The following RAB3B variants were observed in gnomAD, a reference collection of about 807,000 sequenced individuals.
The protein encoded by RAB3B is ras-related protein Rab-3B.
RAB3B carries 11 observed loss-of-function variants against 20.5 expected under a neutral mutation model. The observed-to-expected ratio is 0.54, with a 90% CI of 0.34 to 0.89. The LOEUF (loss-of-function observed/expected upper bound fraction) is 0.89. Among genes scored for constraint, RAB3B ranks in the 40% least tolerant of loss-of-function variants. RAB3B has a pLI of 0.02. For synonymous variants in RAB3B, 99 were observed against 106.3 expected, an observed-to-expected ratio of 0.93 and a Z score of 0.42; for missense variants, 225 against 280.9, an observed-to-expected ratio of 0.80 and a Z score of 1.42.
chr1:51,950,829 G>A (rs915065694), intron 2 of RAB3B, among the ~76,000 whole-genome samples: 7 of 152,146 alleles, frequency 4.6e-5, no homozygotes, highest in African/African-American at 7.2e-5. Flanking sequence ...GCTACCCTCC[G>A]ACCCACAGCT....
intron 2 of RAB3B, among the ~76,000 whole-genome samples, chr1:51,942,049 C>T (rs182548868): frequency 6.0e-4 from 92 of 152,318 alleles, no homozygotes; most frequent in Non-Finnish European, 8.2e-4. Context: ...TATGCCCTTG[C>T]CTCTGCTTCC....
chr1:51,935,030 G>C (rs111945568), intron 3 of RAB3B, among the ~76,000 whole-genome samples: 1,657 of 152,200 alleles, frequency 0.011, 39 homozygotes, highest in South Asian at 0.093. Flanking sequence ...GGCTGAATTT[G>C]TCTCTCTCCC....
At chr1:51,965,784 C>G (rs1684843682) in intron 2 of RAB3B, among the ~76,000 whole-genome samples, 1 of 151,938 alleles carries the variant, frequency 6.6e-6, no homozygotes, top group African/African-American at 2.4e-5. Flanking sequence ...TAGTGAAATT[C>G]AAATAAAGAC....
intron 2 of RAB3B, among the ~76,000 whole-genome samples, chr1:51,938,535 G>A (rs985372312): frequency 3.9e-5 from 6 of 151,982 alleles, no homozygotes; most frequent in Non-Finnish European, 8.8e-5. Context: ...TTAACGATAT[G>A]AGACAATACT....
At chr1:51,962,661 T>G (rs1245136603) in intron 2 of RAB3B, among the ~76,000 whole-genome samples, 1 of 152,140 alleles carries the variant, frequency 6.6e-6, no homozygotes, top group Non-Finnish European at 1.5e-5. Flanking sequence ...TAACACTGTC[T>G]CCTCCCCTCC....
chr1:51,987,870 T>C (rs1261353226), intron 1 of RAB3B, among the ~76,000 whole-genome samples: 2 of 152,010 alleles, frequency 1.3e-5, no homozygotes, highest in Admixed American at 6.6e-5. Context: ...CACTACTGTA[T>C]TTTCTTCTCT....
At chr1:51,986,934 A>G (rs1685160316) in intron 1 of RAB3B, among the ~76,000 whole-genome samples, 1 of 152,238 alleles carries the variant, frequency 6.6e-6, no homozygotes, top group Admixed American at 6.5e-5. Flanking sequence ...TGCATGCAGA[A>G]TTGCATTTGT....
chr1:51,967,036 G>A (rs1684861143), intron 2 of RAB3B, among the ~76,000 whole-genome samples: 1 of 152,186 alleles, frequency 6.6e-6, no homozygotes, highest in Non-Finnish European at 1.5e-5. Context: ...ACTGAGGCTG[G>A]GCACAGTGGC....
intron 4 of RAB3B, among the ~76,000 whole-genome samples, chr1:51,923,238 CA>C (rs972560824): frequency 6.6e-6 from 1 of 152,148 alleles, no homozygotes; most frequent in Non-Finnish European, 1.5e-5. Context: ...AGAGATGGGC[CA>C]GGGGTCTATC....
chr1:51,929,907 A>G (rs1332157473), intron 4 of RAB3B, among the ~76,000 whole-genome samples: 1 of 152,230 alleles, frequency 6.6e-6, no homozygotes, highest in East Asian at 1.9e-4. Context: ...TGCTCAATAA[A>G]TGTTTTTCAC....
intron 2 of RAB3B, among the ~76,000 whole-genome samples, chr1:51,943,996 AC>A (rs1356802910): frequency 2.6e-5 from 4 of 152,212 alleles, no homozygotes; most frequent in Non-Finnish European, 5.9e-5. Flanking sequence ...TGTAGACAAA[AC>A]AGCACTGGAA....
intron 4 of RAB3B, among the ~76,000 whole-genome samples, chr1:51,921,417 T>A (rs1053074902): frequency 4.6e-5 from 7 of 152,234 alleles, no homozygotes; most frequent in Non-Finnish European, 1.0e-4. Context: ...CAAAGTCATG[T>A]GGCTGTATTA....
chr1:51,959,596 T>C (rs1337092526), intron 2 of RAB3B, among the ~76,000 whole-genome samples: 5 of 150,222 alleles, frequency 3.3e-5, no homozygotes, highest in African/African-American at 1.2e-4. Context: ...AGGCAAGGAG[T>C]GAAAAAGTGC....
At chr1:51,951,561 T>C (rs1684642554) in intron 2 of RAB3B, among the ~76,000 whole-genome samples, 2 of 152,216 alleles carry the variant, frequency 1.3e-5, no homozygotes, top group African/African-American at 4.8e-5. Flanking sequence ...CAGTCACTCA[T>C]GCCTGTAATC....
At chr1:51,926,265 C>T (rs929072222) in intron 4 of RAB3B, among the ~76,000 whole-genome samples, 2 of 152,206 alleles carry the variant, frequency 1.3e-5, no homozygotes, top group Non-Finnish European at 2.9e-5. Context: ...GGGAAGGGAA[C>T]CCATTCACCT....
At chr1:51,981,388 TGAA>T (rs1685085760) in intron 1 of RAB3B, among the ~76,000 whole-genome samples, 1 of 152,228 alleles carries the variant, frequency 6.6e-6, no homozygotes, top group Non-Finnish European at 1.5e-5. Context: ...AGGTTTACAC[TGAA>T]AAGTAAGTCT....
intron 2 of RAB3B, among the ~76,000 whole-genome samples, chr1:51,975,719 C>G (rs1272922574): frequency 1.3e-5 from 2 of 152,130 alleles, no homozygotes; most frequent in Non-Finnish European, 2.9e-5. Context: ...CCAGGCTAAG[C>G]GCGGTGGCTC....
chr1:51,940,584 C>T (rs771595667), intron 2 of RAB3B, among the ~76,000 whole-genome samples: 5 of 151,654 alleles, frequency 3.3e-5, no homozygotes, highest in Non-Finnish European at 7.4e-5. Flanking sequence ...ATGGCATCAT[C>T]GCATTCCAGC....
intron 2 of RAB3B, among the ~76,000 whole-genome samples, chr1:51,946,301 A>G (rs761580145): frequency 6.6e-6 from 1 of 152,240 alleles, no homozygotes; most frequent in Non-Finnish European, 1.5e-5. Flanking sequence ...AGCTCTCACT[A>G]TCCTGTGCTC....
Sources: gnomAD v4.1 joint callset for allele counts (sites outside exome capture counted in the v4.1 genomes callset) on GRCh38, gnomAD v4.1.1 for gene constraint, MANE v1.5 for transcripts, NCBI Gene and HGNC (gene_info 2026-07-23, HGNC 2026-07-21) for gene names.